MTFR2: variants seen among roughly 807,000 people sequenced by gnomAD.
The protein encoded by MTFR2 is mitochondrial fission regulator 2.
MTFR2 carries 44 observed loss-of-function variants against 41.2 expected under a neutral mutation model. That is an observed-to-expected ratio of 1.07 (90% CI 0.84 to 1.37). The LOEUF (loss-of-function observed/expected upper bound fraction) is 1.37, where lower values mean the gene tolerates loss of function less well. Ranked by LOEUF, MTFR2 falls within the 40% of genes most tolerant of loss-of-function variation. The pLI is 0.00. For synonymous variants in MTFR2, 141 were observed against 154.6 expected (o/e 0.91, Z 0.65); for missense variants, 452 against 459.5 (o/e 0.98, Z 0.15).
rs1310720218 is a variant in MTFR2, at chr6:136,242,915, A to G, written c.227T>C (p.Phe76Ser). The G allele has an allele frequency of 6.2e-7, 1 of 1,613,320 alleles. No individual in the cohort carries two copies. Among genetic ancestry groups the G allele is most frequent in the Admixed American group, 1.7e-5 (1 of 59,854 alleles). The change falls in exon 4 of 8, where the codon TTT (phenylalanine) becomes TCT (serine). Residue 76 changes from phenylalanine (F) to serine (S), a missense_variant. By Grantham distance (155) the Phe-to-Ser change is radical. Transcript: ENST00000420702. ...ATTTGCCACATACAAAATATCAGCA[A>G]AAGATGGAACCATAGATCCACAATT... ...SDNCGSMVPS[F>S]ADILYVANDE... is the part of the protein sequence containing the mutation.
intron 6 of MTFR2, among the ~76,000 whole-genome samples, chr6:136,234,422 C>T (rs1430715184): frequency 2.6e-5 from 4 of 151,968 alleles, no homozygotes; most frequent in Non-Finnish European, 5.9e-5. Context: ...AAGCAACATC[C>T]TCTTTAAGAA....
chr6:136,233,185 C>T, intron 7 of MTFR2, 140 bp downstream of exon 7: 1 of 606,594 alleles, frequency 1.6e-6, no homozygotes, highest in Non-Finnish European at 2.6e-6. Context: ...AAAAAAACCC[C>T]AGAAACATTA....
Position 136,231,249 on chromosome 6 carries a change from G to T in MTFR2, c.*26C>A. 1 of 1,451,190 alleles carries T rather than the reference G, an allele frequency of 6.9e-7. No individual in the cohort carries two copies. Among genetic ancestry groups the T allele is most frequent in the Non-Finnish European group, 9.6e-7 (1 of 1,041,434 alleles). The allele number at this position is 1,451,190 out of a possible 1,614,324, so 89.9% of individuals were successfully genotyped here. ...TATCATCCAGGAAGAAGTTTTGGAAGTTTAAAGCTCAACCTTAAGTTGAGT... is the reference window on the plus strand; with the variant it reads ...TATCATCCAGGAAGAAGTTTTGGAATTTTAAAGCTCAACCTTAAGTTGAGT... On this transcript the variant is annotated 3_prime_UTR_variant, in exon 8 of 8. Coordinates refer to ENST00000420702, the MANE Select transcript of MTFR2 (RefSeq NM_001099286.3).
At chr6:136,247,043 T>C (rs1780228913) in intron 2 of MTFR2, among the ~76,000 whole-genome samples, 1 of 152,134 alleles carries the variant, frequency 6.6e-6, no homozygotes, top group Non-Finnish European at 1.5e-5. Context: ...TTCTCTTACT[T>C]AGCTCCATTC....
At chr6:136,245,722 G>C (rs888419025) in intron 2 of MTFR2, among the ~76,000 whole-genome samples, 1 of 152,212 alleles carries the variant, frequency 6.6e-6, no homozygotes, top group Non-Finnish European at 1.5e-5. Flanking sequence ...TGTGAGGTCA[G>C]GTGTAAAATT....
At chr6:136,231,438 A>G (rs1779753561) in intron 7 of MTFR2, 50 bp from the exon 8 acceptor site, 1 of 1,194,208 alleles carries the variant, frequency 8.4e-7, no homozygotes, top group Non-Finnish European at 1.2e-6. Context: ...TGTCAAAAAA[A>G]AAAAAGAATG....
At chr6:136,240,963 C>T (rs372023743) in intron 5 of MTFR2, among the ~76,000 whole-genome samples, 98 of 152,160 alleles carry the variant, frequency 6.4e-4, no homozygotes, top group African/African-American at 1.7e-3. Flanking sequence ...TGGTGGCGGG[C>T]GCCTGTAGTC....
In MTFR2 at chr6:136,246,734, T is replaced by A. The variant is rs74452672; in HGVS notation, c.64-1865A>T. ...ACTCAAAAATGGTTCATTCTTTTGATATTATGTGCTCCCACACTGCTAATG... is the reference window on the plus strand; with the variant it reads ...ACTCAAAAATGGTTCATTCTTTTGAAATTATGTGCTCCCACACTGCTAATG... On this transcript the variant is annotated intron_variant, in intron 2 of 7. Transcript: ENST00000420702. 3.1e-3 allele frequency among the ~76,000 whole-genome samples: 465 copies of A among 152,326 alleles called. 8 individuals carry two copies. The East Asian group carries it at 0.036, about 12-fold the overall frequency.
intron 6 of MTFR2, among the ~76,000 whole-genome samples, chr6:136,236,178 AC>A (rs1230786494): frequency 6.6e-6 from 1 of 152,224 alleles, no homozygotes; most frequent in Non-Finnish European, 1.5e-5. Flanking sequence ...GGCTGAGAGT[AC>A]ATGTGTTTTG....
In MTFR2 at chr6:136,233,430, T is replaced by C; in HGVS notation, c.939A>G (p.Ile313Met). The change falls in exon 7 of 8, where the codon ATA becomes ATG. Residue 313 changes from isoleucine (I) to methionine (M), a missense_variant. By Grantham distance (10) the Ile-to-Met change is conservative. Coordinates refer to ENST00000420702, the MANE Select transcript of MTFR2 (RefSeq NM_001099286.3). ...QNSHWDPVSL[I>M]SHALKQKFAF... ...CAAATTTCTGTTTAAGTGCATGAGA[T>C]ATTAAAGAAACTGGATCCCAATGTG... is the stretch of plus-strand genomic sequence containing the variant. The C allele has an allele frequency of 1.2e-6, 2 of 1,601,010 alleles. No homozygotes were observed. Among genetic ancestry groups the C allele is most frequent in the Non-Finnish European group, 8.5e-7 (1 of 1,170,900 alleles).
At chr6:136,237,098 G>A (rs567569318) in intron 6 of MTFR2, among the ~76,000 whole-genome samples, 1 of 152,124 alleles carries the variant, frequency 6.6e-6, no homozygotes, top group Non-Finnish European at 1.5e-5. Flanking sequence ...ACTTGCACCC[G>A]CTGTGTAATC....
In MTFR2 at chr6:136,249,103, T is replaced by C; in HGVS notation, c.-4A>G. ...AGATATTCAGTATGAGAGACATTGA[T>C]GAAGCAAATACAGAAGCCAATTCAA... is the stretch of plus-strand genomic sequence containing the variant. On this transcript the variant is annotated 5_prime_UTR_variant, in exon 2 of 8. Transcript: ENST00000420702. The C allele has an allele frequency of 6.3e-7, 1 of 1,584,502 alleles. No individual in the cohort carries two copies. The highest frequency in any genetic ancestry group is 8.5e-7 in the Non-Finnish European group (1 of 1,172,492).
chr6:136,249,811 C>T (rs1361783878), intron 1 of MTFR2, among the ~76,000 whole-genome samples, 165 bp downstream of exon 1: 1 of 152,150 alleles, frequency 6.6e-6, no homozygotes, highest in Non-Finnish European at 1.5e-5. Context: ...ATGTGGAATG[C>T]CCATCCCTCC....
At chr6:136,247,564 T>C (rs1001536579) in intron 2 of MTFR2, 5 of 455,886 alleles carry the variant, frequency 1.1e-5, no homozygotes, top group Admixed American at 2.4e-5. Context: ...CTTCTAACTT[T>C]AAAAGAAAAA....
In MTFR2 at chr6:136,231,947, C is replaced by T. The variant is rs1779770894; in HGVS notation, c.1045-559G>A. On this transcript the variant is annotated intron_variant, in intron 7 of 7. Coordinates refer to ENST00000420702, the MANE Select transcript of MTFR2 (RefSeq NM_001099286.3). Reference sequence around the variant, plus strand: ...TTATAGGCACTACAGGGATCATTTCCCTCACATTTTCGGGGGAAAAGGGAT... The same window carrying T: ...TTATAGGCACTACAGGGATCATTTCTCTCACATTTTCGGGGGAAAAGGGAT... Among the ~76,000 whole-genome samples, 2 of 152,088 alleles carry T rather than the reference C, an allele frequency of 1.3e-5. 1 individual carries two copies. Among genetic ancestry groups the T allele is most frequent in the South Asian group, 4.1e-4 (2 of 4,828 alleles).
intron 4 of MTFR2, 98 bp from the exon 5 acceptor site, chr6:136,241,774 A>C (rs1177048834): frequency 4.3e-6 from 4 of 931,618 alleles, no homozygotes; most frequent in Non-Finnish European, 6.4e-6. Context: ...AAAGACAATA[A>C]AACAAAATAA....
intron 6 of MTFR2, among the ~76,000 whole-genome samples, chr6:136,237,091 T>C (rs1265485212): frequency 6.6e-6 from 1 of 152,172 alleles, no homozygotes; most frequent in Non-Finnish European, 1.5e-5. Flanking sequence ...TGACCTGACT[T>C]GCACCCGCTG....
chr6:136,235,881 G>A (rs573581022), intron 6 of MTFR2, among the ~76,000 whole-genome samples: 4 of 152,006 alleles, frequency 2.6e-5, no homozygotes, highest in African/African-American at 4.8e-5. Context: ...GCAGTGAGCC[G>A]AGATCACGCC....
In MTFR2 at chr6:136,237,844, T is replaced by C. The variant is rs548850780; in HGVS notation, c.869+1622A>G. 3.9e-5 allele frequency among the ~76,000 whole-genome samples: 6 copies of C among 152,086 alleles called. No individual in the cohort carries two copies. In the South Asian group the frequency reaches 8.3e-4, roughly 21 times the overall value. On this transcript the variant is annotated intron_variant, in intron 6 of 7. Coordinates refer to ENST00000420702, the MANE Select transcript of MTFR2 (RefSeq NM_001099286.3). ...AAAAAAAAGAATAAAAGAACATTTT[T>C]GGACATGCAAAGTAGTAAACTAATC...
Sources: allele counts gnomAD v4.1 joint callset (sites outside exome capture counted in the v4.1 genomes callset), GRCh38; gene constraint gnomAD v4.1.1; transcripts MANE v1.5; gene names NCBI Gene and HGNC (gene_info 2026-07-23, HGNC 2026-07-21).